The following ARHGAP8 variants were observed in gnomAD, a reference collection of about 807,000 sequenced individuals.
The protein encoded by ARHGAP8 is rho GTPase-activating protein 8.
ARHGAP8 carries 62 observed loss-of-function variants against 46.1 expected under a neutral mutation model. The ratio of observed to expected loss-of-function variants is 1.34; its 90% confidence interval spans 1.10 to 1.66. The LOEUF (loss-of-function observed/expected upper bound fraction) is 1.66, where lower values mean the gene tolerates loss of function less well. Ranked by LOEUF, ARHGAP8 falls within the 40% of genes most tolerant of loss-of-function variation. ARHGAP8 has a pLI of 0.00. For synonymous variants in ARHGAP8, 375 were observed against 243.1 expected (o/e 1.54, Z -5.05); for missense variants, 923 against 568.4 (o/e 1.62, Z -6.34).
chr22:44,811,864 G>T (rs113448202), intron 4 of ARHGAP8, among the ~76,000 whole-genome samples: 2 of 152,130 alleles, frequency 1.3e-5, no homozygotes, highest in African/African-American at 4.8e-5. Flanking sequence ...AGGCGTGGTG[G>T]TGCACGCCTG....
intron 1 of ARHGAP8, chr22:44,765,417 T>A (rs994039602): frequency 6.6e-6 from 1 of 152,234 alleles, no homozygotes; most frequent in South Asian, 2.1e-4. Context: ...ACGGAGGCTG[T>A]GTCGCTAGTG....
At chr22:44,785,374 T>C (rs1927140991) in intron 1 of ARHGAP8, among the ~76,000 whole-genome samples, 1 of 152,156 alleles carries the variant, frequency 6.6e-6, no homozygotes, top group Non-Finnish European at 1.5e-5. Flanking sequence ...TCAAGGTGTC[T>C]GCAGAGCTGC....
intron 2 of ARHGAP8, chr22:44,801,832 G>A (rs937343334): frequency 1.3e-5 from 7 of 542,434 alleles, no homozygotes; most frequent in South Asian, 6.9e-5. Flanking sequence ...GCTGGGCCTC[G>A]GTTTTCTATC....
chr22:44,771,782 T>C (rs1926027715), intron 1 of ARHGAP8, among the ~76,000 whole-genome samples: 1 of 151,752 alleles, frequency 6.6e-6, no homozygotes. Context: ...CTCGAACTCC[T>C]GACCTCAGGT....
At chr22:44,839,090 G>C (rs950657579) in intron 7 of ARHGAP8, among the ~76,000 whole-genome samples, 2 of 152,154 alleles carry the variant, frequency 1.3e-5, no homozygotes, top group Non-Finnish European at 2.9e-5. Flanking sequence ...AGGAGGAAAA[G>C]AGCCTGTAAC....
intron 7 of ARHGAP8, among the ~76,000 whole-genome samples, chr22:44,834,845 A>G (rs889565839): frequency 0.011 from 5 of 460 alleles, no homozygotes; most frequent in Admixed American, 0.062. Flanking sequence ...CATGATGATA[A>G]AAAAAATGTC....
At chr22:44,858,220 G>A (rs149685999) in intron 10 of ARHGAP8, among the ~76,000 whole-genome samples, 2 of 152,308 alleles carry the variant, frequency 1.3e-5, no homozygotes, top group East Asian at 1.9e-4. Context: ...GCAACTCTGT[G>A]CAAGGCTCAG....
chr22:44,808,430 C>A lies in ARHGAP8; in HGVS notation c.291C>A (p.Phe97Leu), dbSNP rs748559516. The change falls in exon 4 of 12, where the codon TTC becomes TTA. Residue 97 changes from phenylalanine (F) to leucine (L), a missense_variant. By Grantham distance (22) the Phe-to-Leu change is conservative (BLOSUM62 0). Transcript: ENST00000356099. Reference sequence around the variant, plus strand: ...GGCTCCAGAGCGCATACAAGGAGTTCGATAGGAAGTACGTGCCCGCAAGCC... The same window carrying A: ...GGCTCCAGAGCGCATACAAGGAGTTAGATAGGAAGTACGTGCCCGCAAGCC... ...LGWLQSAYKE[F>L]DRKYKKNLKA... is the part of the protein sequence containing the mutation. The A allele has an allele frequency of 6.2e-7, 1 of 1,613,992 alleles. No individual in the cohort carries two copies. Among genetic ancestry groups the A allele is most frequent in the Admixed American group, 1.7e-5 (1 of 60,006 alleles).
At chr22:44,820,073 CTG>C (rs1402047396) in intron 5 of ARHGAP8, among the ~76,000 whole-genome samples, 2 of 122,646 alleles carry the variant, frequency 1.6e-5, no homozygotes, top group Admixed American at 1.6e-4. Flanking sequence ...TAGAGGAACT[CTG>C]AGGCCCTGGG....
chr22:44,809,056 A>G, intron 4 of ARHGAP8: 1 of 465,580 alleles, frequency 2.1e-6, no homozygotes, highest in Non-Finnish European at 4.4e-6. Context: ...TCCAAGCTCA[A>G]GCGATCCTCC....
intron 7 of ARHGAP8, among the ~76,000 whole-genome samples, chr22:44,840,799 T>G (rs1931601579): frequency 6.6e-6 from 1 of 152,206 alleles, no homozygotes. Context: ...TCATAGATGG[T>G]GCCTCCCGGC....
intron 1 of ARHGAP8, among the ~76,000 whole-genome samples, chr22:44,782,199 T>C (rs1185385847): frequency 5.3e-5 from 8 of 151,992 alleles, no homozygotes; most frequent in Non-Finnish European, 1.2e-4. Flanking sequence ...TAGCTTGGCA[T>C]GGTGGCACAT....
Position 44,862,407 on chromosome 22 carries a change from C to T in ARHGAP8, c.1114C>T (p.Leu372=). The T allele has an allele frequency of 4.3e-6, 7 of 1,614,176 alleles. No individual in the cohort carries two copies. The highest frequency in any genetic ancestry group is 5.1e-6 in the Non-Finnish European group (6 of 1,180,012). ...ALVPLNMFTE[L]LIEYYEKIFS... The stretch of plus-strand genomic sequence containing the variant: ...TGTGCCCCTGAACATGTTCACTGAA[C>T]TGCTGATCGAGTACTATGAAAAGAT... Residue 372 remains leucine, a synonymous_variant, in exon 12 of 12, where the codon CTG becomes TTG. Coordinates refer to ENST00000356099, the MANE Select transcript of ARHGAP8 (RefSeq NM_181335.3).
In ARHGAP8 at chr22:44,860,147, C is replaced by T. The variant is rs535466717; in HGVS notation, c.981+313C>T. On this transcript the variant is annotated intron_variant, in intron 11 of 11. Transcript: ENST00000356099. ...ATGTCATTTCCTGCTTGGGCTGAGT[C>T]TCTAGGAGGTGGGAGCTGTGTCCAC... Among the ~76,000 whole-genome samples the T allele has an allele frequency of 3.8e-4, 57 of 151,902 alleles. 1 individual carries two copies. The highest frequency in any genetic ancestry group is 2.9e-3 in the Admixed American group (44 of 15,260).
chr22:44,856,067 C>G (rs9614952), intron 10 of ARHGAP8, among the ~76,000 whole-genome samples: 9,293 of 152,056 alleles, frequency 0.061, 396 homozygotes, highest in Non-Finnish European at 0.095. Flanking sequence ...ATCACTCACT[C>G]TCATGAGAAC....
intron 10 of ARHGAP8, among the ~76,000 whole-genome samples, chr22:44,859,359 C>G (rs1299079958): frequency 6.6e-6 from 1 of 152,114 alleles, no homozygotes; most frequent in African/African-American, 2.4e-5. Context: ...ACCTCTGTCC[C>G]ACTCTCTCTT....
intron 8 of ARHGAP8, among the ~76,000 whole-genome samples, chr22:44,847,663 C>G (rs892891595): frequency 2.6e-5 from 4 of 152,088 alleles, no homozygotes; most frequent in African/African-American, 9.7e-5. Flanking sequence ...TGGCCTTATT[C>G]TGTAGATAAA....
In ARHGAP8 at chr22:44,848,056, G is replaced by C; in HGVS notation, c.748+6G>C. The C allele has an allele frequency of 6.2e-7, 1 of 1,605,428 alleles. No homozygotes were observed. The highest frequency in any genetic ancestry group is 8.5e-7 in the Non-Finnish European group (1 of 1,179,900). On this transcript the variant is annotated splice_donor_region_variant and intron_variant, in intron 9 of 11. Coordinates refer to ENST00000356099, the MANE Select transcript of ARHGAP8 (RefSeq NM_181335.3). ...CCAGAGGCTCTACAACCAAGGTGAG[G>C]GTGTCCCGCAGTCCTGAGCCCCGAG...
intron 1 of ARHGAP8, chr22:44,786,158 A>C (rs1927204475): frequency 7.8e-6 from 4 of 515,638 alleles, no homozygotes; most frequent in Non-Finnish European, 1.4e-5. Context: ...TGCTCGGCTG[A>C]TGTCGAGTGC....
Sources: allele counts gnomAD v4.1 joint callset (sites outside exome capture counted in the v4.1 genomes callset), GRCh38; gene constraint gnomAD v4.1.1; transcripts MANE v1.5; gene names NCBI Gene and HGNC (gene_info 2026-07-23, HGNC 2026-07-21).